DTWD2: variants seen among roughly 807,000 people sequenced by gnomAD.
The protein encoded by DTWD2 is DTW motif tRNA-uridine aminocarboxypropyltransferase 2.
DTWD2 carries 39 observed loss-of-function variants against 31.8 expected under a neutral mutation model. The observed-to-expected ratio is 1.22, with a 90% CI of 0.95 to 1.60. The LOEUF is 1.60. DTWD2 is among the 40% of genes most tolerant of loss of function. The pLI, the probability that DTWD2 is intolerant of heterozygous loss-of-function variation, is 0.00. For missense variants in DTWD2, 515 were observed against 381.5 expected, an observed-to-expected ratio of 1.35 and a Z score of -2.92; for synonymous variants, 180 against 142.8, an observed-to-expected ratio of 1.26 and a Z score of -1.86.
intron 4 of DTWD2, among the ~76,000 whole-genome samples, chr5:118,916,107 G>C (rs1580804276): frequency 6.6e-6 from 1 of 152,290 alleles, no homozygotes; most frequent in East Asian, 1.9e-4. Flanking sequence ...GAAGATCTGG[G>C]CCAACTGGAA....
chr5:118,885,119 G>A (rs934747663), intron 4 of DTWD2, among the ~76,000 whole-genome samples: 1 of 150,122 alleles, frequency 6.7e-6, no homozygotes, highest in Non-Finnish European at 1.5e-5. Flanking sequence ...GACCAGCCTC[G>A]GCAACATAGG....
chr5:118,855,768 C>A (rs181565665), intron 4 of DTWD2, among the ~76,000 whole-genome samples: 1 of 151,978 alleles, frequency 6.6e-6, no homozygotes, highest in Non-Finnish European at 1.5e-5. Context: ...ATAAAAAATG[C>A]ATGTTAATTA....
At chr5:118,853,524 T>TA (rs945043601) in intron 4 of DTWD2, among the ~76,000 whole-genome samples, 13 of 151,940 alleles carry the variant, frequency 8.6e-5, no homozygotes, top group Admixed American at 6.5e-4. Context: ...GTAAATTGGA[T>TA]AAAAAAAATG....
chr5:118,842,836 A>G (rs977013727), intron 5 of DTWD2, among the ~76,000 whole-genome samples: 4 of 150,546 alleles, frequency 2.7e-5, no homozygotes, highest in Admixed American at 1.3e-4. Flanking sequence ...GGTCCCAGCT[A>G]CTCGGGAGGC....
intron 4 of DTWD2, among the ~76,000 whole-genome samples, chr5:118,899,848 C>A (rs1753166089): frequency 2.1e-5 from 3 of 140,604 alleles, no homozygotes; most frequent in African/African-American, 8.1e-5. Context: ...GTTGCCCGGG[C>A]TGGAGTACAG....
At position 118,840,753 on chromosome 5, in the gene DTWD2, A is replaced by G; in HGVS notation, c.*164T>C. 1 of 672,368 alleles carries G rather than the reference A, an allele frequency of 1.5e-6. No individual in the cohort carries two copies. Among genetic ancestry groups the G allele is most frequent in the Non-Finnish European group, 2.2e-6 (1 of 462,274 alleles). 41.7% of individuals were successfully genotyped at this position (672,368 alleles called of 1,614,324 possible). A position where few individuals can be genotyped will look rare whatever the true frequency, so the allele number is the denominator to read the frequency against. ...TCAGTGAGCCAGTGAATTTCTGTTTATTTGTATTTATGAATATTTGGTTTA... is the reference window on the plus strand; with the variant it reads ...TCAGTGAGCCAGTGAATTTCTGTTTGTTTGTATTTATGAATATTTGGTTTA... On this transcript the variant is annotated 3_prime_UTR_variant, in exon 6 of 6. Transcript: ENST00000510708.
At chr5:118,966,494 G>T (rs1004148585) in intron 1 of DTWD2, among the ~76,000 whole-genome samples, 1 of 152,088 alleles carries the variant, frequency 6.6e-6, no homozygotes, top group Admixed American at 6.5e-5. Flanking sequence ...GTGGTTTTTA[G>T]ATCTTTGCAA....
chr5:118,942,268 G>C (rs1180876438), intron 2 of DTWD2, among the ~76,000 whole-genome samples: 1 of 152,156 alleles, frequency 6.6e-6, no homozygotes, highest in Non-Finnish European at 1.5e-5. Context: ...CCAGCTCTTA[G>C]GGAGGCAGAG....
intron 4 of DTWD2, among the ~76,000 whole-genome samples, chr5:118,883,312 C>T (rs1479165965): frequency 2.0e-5 from 3 of 152,188 alleles, no homozygotes; most frequent in African/African-American, 7.2e-5. Context: ...TGGTCAAAAC[C>T]ATTCAACAAG....
intron 4 of DTWD2, among the ~76,000 whole-genome samples, chr5:118,851,633 C>A (rs544273408): frequency 1.5e-5 from 2 of 136,554 alleles, no homozygotes; most frequent in African/African-American, 2.8e-5. Flanking sequence ...AAACAGCGTT[C>A]GACAATGAGA....
intron 4 of DTWD2, among the ~76,000 whole-genome samples, chr5:118,858,285 T>C (rs1752184136): frequency 6.6e-6 from 1 of 152,178 alleles, no homozygotes; most frequent in Non-Finnish European, 1.5e-5. Flanking sequence ...AGGTACTCAA[T>C]GGAATTTAAG....
chr5:118,957,315 G>A (rs929938494), intron 1 of DTWD2, among the ~76,000 whole-genome samples: 51 of 151,924 alleles, frequency 3.4e-4, no homozygotes, highest in African/African-American at 1.1e-3. Context: ...TCCACATCCC[G>A]GGTACAAGCA....
At chr5:118,963,124 G>C (rs1367099433) in intron 1 of DTWD2, among the ~76,000 whole-genome samples, 1 of 152,186 alleles carries the variant, frequency 6.6e-6, no homozygotes, top group African/African-American at 2.4e-5. Flanking sequence ...AGTAATTAAG[G>C]ATATGTGGTT....
intron 4 of DTWD2, among the ~76,000 whole-genome samples, chr5:118,851,027 A>G (rs1303212409): frequency 6.6e-6 from 1 of 152,078 alleles, no homozygotes; most frequent in African/African-American, 2.4e-5. Flanking sequence ...TGGGTGGATC[A>G]CATGAGGTTG....
chr5:118,959,348 A>G (rs567980637), intron 1 of DTWD2, among the ~76,000 whole-genome samples: 1 of 152,310 alleles, frequency 6.6e-6, no homozygotes, highest in Non-Finnish European at 1.5e-5. Context: ...CCCACTCACA[A>G]TAGACACAAA....
intron 1 of DTWD2, among the ~76,000 whole-genome samples, chr5:118,980,475 G>C (rs1203807775): frequency 1.3e-5 from 2 of 152,182 alleles, no homozygotes; most frequent in Non-Finnish European, 2.9e-5. Flanking sequence ...AGGCTAACTT[G>C]TCCACTTGCA....
At chr5:118,850,906 G>C (rs1420179312) in intron 4 of DTWD2, among the ~76,000 whole-genome samples, 1 of 151,942 alleles carries the variant, frequency 6.6e-6, no homozygotes, top group Non-Finnish European at 1.5e-5. Flanking sequence ...CCAACAAGCA[G>C]ATGAAAAAAT....
chr5:118,973,987 G>A (rs770839212), intron 1 of DTWD2: 3 of 1,588,482 alleles, frequency 1.9e-6, no homozygotes, highest in Non-Finnish European at 2.6e-6. Context: ...AGGAAGAGGA[G>A]GAGGAAGAAG....
chr5:118,938,643 G>A (rs1754104686), intron 3 of DTWD2, among the ~76,000 whole-genome samples: 1 of 152,004 alleles, frequency 6.6e-6, no homozygotes, highest in South Asian at 2.1e-4. Flanking sequence ...GAGCCCAGGA[G>A]GTGGAGGCTG....
Sources: allele counts gnomAD v4.1 joint callset (sites outside exome capture counted in the v4.1 genomes callset), GRCh38; gene constraint gnomAD v4.1.1; transcripts MANE v1.5; gene names NCBI Gene and HGNC (gene_info 2026-07-23, HGNC 2026-07-21).